The following CARMIL1 variants were observed in gnomAD, a reference collection of about 807,000 sequenced individuals.
CARMIL1 encodes F-actin-uncapping protein LRRC16A.
In CARMIL1, 90 loss-of-function variants were observed where a neutral mutation model predicts 177.1. That is an observed-to-expected ratio of 0.51 (90% CI 0.43 to 0.61). The LOEUF (loss-of-function observed/expected upper bound fraction) is 0.61, where lower values mean the gene tolerates loss of function less well. Among genes scored for constraint, CARMIL1 ranks in the 20% least tolerant of loss-of-function variants. The probability of loss-of-function intolerance (pLI) is 0.00; values close to 1 mark genes in which losing one functional copy is unlikely to be tolerated. For synonymous variants in CARMIL1, 577 were observed against 606.2 expected (o/e 0.95, Z 0.71); for missense variants, 1,380 against 1,667.0 (o/e 0.83, Z 3.00).
At chr6:25,541,486 A>G (rs1808885665) in intron 26 of CARMIL1, among the ~76,000 whole-genome samples, 2 of 152,222 alleles carry the variant, frequency 1.3e-5, no homozygotes, top group African/African-American at 4.8e-5. Flanking sequence ...ATAATTTGAC[A>G]TTGTTATGTC....
rs538910744 is a variant in CARMIL1 at position 25,317,725 on chromosome 6, T to TA, written c.138+32827dup. 5.6e-3 allele frequency among the ~76,000 whole-genome samples: 840 copies of TA among 148,768 alleles called. 3 individuals are homozygous for TA. The highest frequency in any genetic ancestry group is 0.024 in the Middle Eastern group (7 of 286). On this transcript the variant is annotated intron_variant, in intron 2 of 36. Coordinates refer to ENST00000329474, the MANE Select transcript of CARMIL1 (RefSeq NM_017640.6). ...GCACTCACCACCACACTGGGCTAAT[T>TA]AAAAAAAAAAATTCTTTTTTGTAGA...
At chr6:25,561,150 C>G (rs1811076357) in intron 29 of CARMIL1, among the ~76,000 whole-genome samples, 1 of 152,138 alleles carries the variant, frequency 6.6e-6, no homozygotes, top group Non-Finnish European at 1.5e-5. Context: ...CTTAGGAAAT[C>G]AGTATTCTGA....
At chr6:25,559,338 G>C (rs540302560) in intron 29 of CARMIL1, among the ~76,000 whole-genome samples, 69 of 152,232 alleles carry the variant, frequency 4.5e-4, no homozygotes, top group African/African-American at 1.6e-3. Flanking sequence ...GGGGAAAAAA[G>C]TTTGCAGTCC....
chr6:25,539,143 C>A (rs941439841), intron 25 of CARMIL1, among the ~76,000 whole-genome samples: 2 of 151,924 alleles, frequency 1.3e-5, no homozygotes, highest in African/African-American at 4.8e-5. Flanking sequence ...GTCATTTTAG[C>A]AAATTATGGA....
chr6:25,389,138 G>A (rs751873722), intron 2 of CARMIL1: 7 of 152,176 alleles, frequency 4.6e-5, no homozygotes, highest in Non-Finnish European at 8.8e-5. Context: ...CCAAGTGCCT[G>A]GCACTGTGCT....
At chr6:25,539,669 G>A (rs913751482) in intron 25 of CARMIL1, among the ~76,000 whole-genome samples, 1 of 142,718 alleles carries the variant, frequency 7.0e-6, no homozygotes, top group African/African-American at 2.6e-5. Flanking sequence ...AGGAGGTAAT[G>A]TATTATTCCT....
At chr6:25,619,319 C>T in intron 36 of CARMIL1, 128 bp from the exon 37 acceptor site, 1 of 785,738 alleles carries the variant, frequency 1.3e-6, no homozygotes, top group East Asian at 2.8e-5. Flanking sequence ...AAGTTTGTTT[C>T]TGAGAAAGTT....
At chr6:25,510,663 G>T in intron 19 of CARMIL1, 45 bp from the exon 20 acceptor site, 1 of 1,504,954 alleles carries the variant, frequency 6.6e-7, no homozygotes, top group Non-Finnish European at 9.0e-7. Context: ...CCTCCTGAAA[G>T]CTTTTGATTT....
At chr6:25,441,323 A>ATT (rs1254414438) in intron 5 of CARMIL1, among the ~76,000 whole-genome samples, 1 of 51,680 alleles carries the variant, frequency 1.9e-5, no homozygotes, top group Non-Finnish European at 4.6e-5. Flanking sequence ...AAACAAACAT[A>ATT]TATATATATA....
chr6:25,573,179 C>A (rs1812259473), intron 29 of CARMIL1, among the ~76,000 whole-genome samples: 1 of 152,172 alleles, frequency 6.6e-6, no homozygotes. Context: ...TAAAGGAAAT[C>A]CTTTGAGCCA....
At chr6:25,526,533 C>T (rs1033087368) in intron 23 of CARMIL1, among the ~76,000 whole-genome samples, 2 of 151,322 alleles carry the variant, frequency 1.3e-5, no homozygotes, top group Admixed American at 1.3e-4. Context: ...TCCTTTTCCT[C>T]TCCTCTCCTT....
At chr6:25,542,133 A>G (rs1242077192) in intron 26 of CARMIL1, among the ~76,000 whole-genome samples, 3 of 152,232 alleles carry the variant, frequency 2.0e-5, no homozygotes, top group African/African-American at 7.2e-5. Context: ...TTAAATGGGC[A>G]TGAAACATTT....
chr6:25,584,498 C>T (rs1232097794), intron 31 of CARMIL1, among the ~76,000 whole-genome samples: 1 of 150,560 alleles, frequency 6.6e-6, no homozygotes, highest in Non-Finnish European at 1.5e-5. Context: ...ACAGGTCAAC[C>T]AGAGAAAAGC....
At chr6:25,519,099 T>C (rs1181364113) in intron 22 of CARMIL1, among the ~76,000 whole-genome samples, 1 of 152,204 alleles carries the variant, frequency 6.6e-6, no homozygotes, top group African/African-American at 2.4e-5. Flanking sequence ...ACTATTAACT[T>C]GATGGTTTTC....
At chr6:25,489,001 C>T (rs1422644192) in intron 13 of CARMIL1, among the ~76,000 whole-genome samples, 1 of 152,058 alleles carries the variant, frequency 6.6e-6, no homozygotes, top group Admixed American at 6.6e-5. Context: ...CCCATCTCTA[C>T]TAAAAATACA....
intron 2 of CARMIL1, among the ~76,000 whole-genome samples, chr6:25,337,539 C>A (rs1450020327): frequency 3.3e-5 from 5 of 152,188 alleles, no homozygotes; most frequent in Admixed American, 6.5e-5. Context: ...AACCAGCCAA[C>A]ATCCTCGAAC....
rs1803714595 is a variant in CARMIL1 at position 25,496,434 on chromosome 6, C to T, written c.1325+1219C>T. On this transcript the variant is annotated intron_variant, in intron 16 of 36. Coordinates refer to ENST00000329474, the MANE Select transcript of CARMIL1 (RefSeq NM_017640.6). ...CGGAGGTTGCAGTGAGCTGAGATTG[C>T]ACCACTGCCAGCCTGGCAACAGAGT... 4.3e-5 allele frequency among the ~76,000 whole-genome samples: 6 copies of T among 140,622 alleles called. No individual in the cohort carries two copies. In the Admixed American group the frequency reaches 4.5e-4, roughly 11 times the overall value. 92.3% of individuals were successfully genotyped at this position (140,622 alleles called of 152,430 possible).
chr6:25,458,346 G>T (rs1799715602), intron 8 of CARMIL1, among the ~76,000 whole-genome samples: 1 of 152,052 alleles, frequency 6.6e-6, no homozygotes, highest in Non-Finnish European at 1.5e-5. Context: ...AAATTAGCTG[G>T]GCGTGGTGGC....
chr6:25,490,142 G>A lies in CARMIL1; in HGVS notation c.1065+1557G>A, dbSNP rs116533911. Among the ~76,000 whole-genome samples the A allele has an allele frequency of 5.9e-3, 895 of 152,232 alleles. 24 individuals are homozygous for A. The East Asian group carries it at 0.083, about 14-fold the overall frequency. ...AAGGCAAAAGTTCCAGGAGCCTGGC[G>A]GCAGGTGCAGGAGTTTACCTGACCC... On this transcript the variant is annotated intron_variant, in intron 13 of 36. Coordinates refer to ENST00000329474, the MANE Select transcript of CARMIL1 (RefSeq NM_017640.6).
Sources: allele counts gnomAD v4.1 joint callset (sites outside exome capture counted in the v4.1 genomes callset), GRCh38; gene constraint gnomAD v4.1.1; transcripts MANE v1.5; gene names NCBI Gene and HGNC (gene_info 2026-07-23, HGNC 2026-07-21).